The following DPP6 variants were observed in gnomAD, a reference collection of about 807,000 sequenced individuals.
DPP6 encodes dipeptidyl peptidase like 6.
A neutral mutation model predicts 122.6 loss-of-function variants in DPP6; 69 were observed. The ratio of observed to expected loss-of-function variants is 0.56; its 90% CI spans 0.46 to 0.69. The LOEUF (loss-of-function observed/expected upper bound fraction) is 0.69. Among genes scored for constraint, DPP6 ranks in the 30% least tolerant of loss-of-function variants. The pLI, the probability that DPP6 is intolerant of heterozygous loss-of-function variation, is 0.00. For missense variants in DPP6, 928 were observed against 1,116.9 expected (o/e 0.83, Z 2.41); for synonymous variants, 418 against 433.1 (o/e 0.97, Z 0.43).
At chr7:154,267,381 T>A (rs1289068628) in intron 1 of DPP6, among the ~76,000 whole-genome samples, 4 of 141,192 alleles carry the variant, frequency 2.8e-5, no homozygotes, top group Non-Finnish European at 4.6e-5. Flanking sequence ...ATATATATAT[T>A]TATCCCTTAT....
At chr7:154,356,265 A>T (rs1811258877) in intron 1 of DPP6, among the ~76,000 whole-genome samples, 1 of 152,184 alleles carries the variant, frequency 6.6e-6, no homozygotes. Context: ...TATTTTATAC[A>T]GTTTTGTAAT....
intron 2 of DPP6, among the ~76,000 whole-genome samples, chr7:154,460,502 C>T (rs560727474): frequency 3.9e-5 from 6 of 152,178 alleles, no homozygotes; most frequent in East Asian, 1.9e-4. Context: ...ATTCTAAATG[C>T]GCCTCTTGAC....
chr7:154,381,052 G>C (rs548118161), intron 1 of DPP6, among the ~76,000 whole-genome samples: 1 of 152,196 alleles, frequency 6.6e-6, no homozygotes, highest in Non-Finnish European at 1.5e-5. Flanking sequence ...TGCCCTGGGC[G>C]TGGGGCTTCT....
At chr7:154,184,841 C>T (rs989005291) in intron 1 of DPP6, among the ~76,000 whole-genome samples, 3 of 152,138 alleles carry the variant, frequency 2.0e-5, no homozygotes, top group African/African-American at 7.2e-5. Flanking sequence ...AAGCAATCAG[C>T]AGCCAGCTCT....
At chr7:154,120,113 A>G (rs1807330359) in intron 1 of DPP6, among the ~76,000 whole-genome samples, 1 of 152,096 alleles carries the variant, frequency 6.6e-6, no homozygotes, top group African/African-American at 2.4e-5. Flanking sequence ...TGACTGACAC[A>G]TTACCTGTGG....
chr7:154,410,503 A>G (rs560744633), intron 1 of DPP6, among the ~76,000 whole-genome samples: 7 of 152,324 alleles, frequency 4.6e-5, no homozygotes, highest in African/African-American at 7.2e-5. Context: ...GATTCTGTGC[A>G]TGCATTTGAT....
intron 5 of DPP6, among the ~76,000 whole-genome samples, chr7:154,614,658 A>T (rs2130821875): frequency 6.6e-6 from 1 of 152,366 alleles, no homozygotes; most frequent in South Asian, 2.1e-4. Context: ...TAGAAACTTC[A>T]AGTTTAAATT....
intron 16 of DPP6, among the ~76,000 whole-genome samples, chr7:154,814,705 G>T (rs1799303222): frequency 6.6e-6 from 1 of 152,306 alleles, no homozygotes; most frequent in African/African-American, 2.4e-5. Flanking sequence ...CAAGCTGTTA[G>T]CCAGTGTGGT....
chr7:154,734,071 G>A lies in DPP6; in HGVS notation c.883+6184G>A, dbSNP rs540475390. 5.9e-5 allele frequency among the ~76,000 whole-genome samples: 9 copies of A among 152,314 alleles called. No homozygotes were observed. The East Asian group carries it at 1.3e-3, about 23-fold the overall frequency. The stretch of plus-strand genomic sequence containing the variant: ...GAATAGCGGCAGCCTTGGACGGTTC[G>A]ACGCAGATGAAGAAAATCTAGCACA... On this transcript the variant is annotated intron_variant, in intron 8 of 25. Coordinates refer to ENST00000377770, the MANE Select transcript of DPP6 (RefSeq NM_130797.4).
rs148097149 is a variant in DPP6, at chr7:154,350,502, G to A, written c.244-95712G>A. On this transcript the variant is annotated intron_variant, in intron 1 of 25. Coordinates refer to ENST00000377770, the MANE Select transcript of DPP6 (RefSeq NM_130797.4). ...ATGACTGTGTTGTTAAATGTCAACCGAGTATCATGGAGACATTCATGATGG... is the reference window on the plus strand; with the variant it reads ...ATGACTGTGTTGTTAAATGTCAACCAAGTATCATGGAGACATTCATGATGG... 2.1e-3 allele frequency among the ~76,000 whole-genome samples: 322 copies of A among 152,270 alleles called. 7 individuals carry two copies. Among genetic ancestry groups the A allele is most frequent in the African/African-American group, 3.2e-3 (131 of 41,554 alleles).
At position 154,053,031 on chromosome 7, in the gene DPP6, T is replaced by G. The variant is rs1262030289; in HGVS notation, c.211T>G (p.Tyr71Asp). The change falls in exon 1 of 26, where the codon TAC becomes GAC. Residue 71 changes from tyrosine to aspartate, a missense_variant. Tyr to Asp is a radical substitution (Grantham distance 160, BLOSUM62 -3). Transcript: ENST00000377770. ...CGCGGGTGGCCGGCCCCGGTTCCAG[T>G]ACCAGGCGCGGAGCGATGGTGACGA... ...GGAGGRPRFQ[Y>D]QARSDGDEED... 9.5e-7 allele frequency: 1 copy of G among 1,057,200 alleles called. No individual in the cohort carries two copies. The allele number at this position is 1,057,200 out of a possible 1,614,324, so 65.5% of individuals were successfully genotyped here.
intron 1 of DPP6, among the ~76,000 whole-genome samples, chr7:154,413,480 T>A (rs774776030): frequency 1.4e-4 from 22 of 152,232 alleles, no homozygotes; most frequent in Admixed American, 2.6e-4. Flanking sequence ...TTTCACCATC[T>A]TTTATTCATA....
intron 1 of DPP6, among the ~76,000 whole-genome samples, chr7:154,097,831 C>T (rs1209720673): frequency 3.9e-5 from 6 of 152,190 alleles, no homozygotes; most frequent in Non-Finnish European, 8.8e-5. Context: ...GGGTGCTAGC[C>T]ACGTAGGCCC....
intron 1 of DPP6, among the ~76,000 whole-genome samples, chr7:154,415,762 G>T (rs773198006): frequency 6.7e-6 from 1 of 149,700 alleles, no homozygotes; most frequent in Non-Finnish European, 1.5e-5. Context: ...CTGGAGAAGT[G>T]CATTTTCAGT....
At chr7:154,231,434 G>A (rs958201988) in intron 1 of DPP6, among the ~76,000 whole-genome samples, 1 of 152,186 alleles carries the variant, frequency 6.6e-6, no homozygotes, top group Non-Finnish European at 1.5e-5. Flanking sequence ...ACTTCCTTCA[G>A]TGCATCAGGC....
chr7:154,041,655 G>T (rs900222051), intron 1 of DPP6, among the ~76,000 whole-genome samples: 63 of 152,316 alleles, frequency 4.1e-4, no homozygotes, highest in African/African-American at 1.4e-3. Context: ...TTTTATCTGG[G>T]TGGGAAGAGG....
chr7:154,854,502 G>T (rs1802659287), intron 17 of DPP6, among the ~76,000 whole-genome samples: 1 of 152,158 alleles, frequency 6.6e-6, no homozygotes, highest in African/African-American at 2.4e-5. Context: ...GCAGGACAAG[G>T]ACTTAGGCTC....
In DPP6 at chr7:154,587,558, C is replaced by A. The variant is rs1021630705; in HGVS notation, c.627+20642C>A. ...TGCCCATTGATTTTTGTTTCTCGAT[C>A]CCCAACTTCCCATGCCCCAAAATAG... is the stretch of plus-strand genomic sequence containing the variant. On this transcript the variant is annotated intron_variant, in intron 5 of 25. Transcript: ENST00000377770. The A allele has an allele frequency of 3.6e-5, 51 of 1,398,232 alleles. 1 individual carries two copies. In the South Asian group the frequency reaches 6.5e-4, roughly 18 times the overall value. 86.6% of individuals were successfully genotyped at this position (1,398,232 alleles called of 1,614,324 possible).
At chr7:154,787,348 C>T (rs955352632) in intron 10 of DPP6, among the ~76,000 whole-genome samples, 1 of 152,144 alleles carries the variant, frequency 6.6e-6, no homozygotes, top group African/African-American at 2.4e-5. Context: ...AAGCCATTTT[C>T]CCAACACCAT....
Sources: allele counts gnomAD v4.1 joint callset (sites outside exome capture counted in the v4.1 genomes callset), GRCh38; gene constraint gnomAD v4.1.1; transcripts MANE v1.5; gene names NCBI Gene and HGNC (gene_info 2026-07-23, HGNC 2026-07-21).